The following VSNL1 variants were observed in gnomAD, a reference collection of about 807,000 sequenced individuals.
The protein encoded by VSNL1 is visinin like 1, also known as visinin-like protein 1.
In VSNL1, 6 loss-of-function variants were observed where a neutral mutation model predicts 20.4. That is an observed-to-expected ratio of 0.29 (90% CI 0.16 to 0.58). VSNL1 has a LOEUF of 0.58. Among genes scored for constraint, VSNL1 ranks in the 20% least tolerant of loss-of-function variants. The probability of loss-of-function intolerance (pLI) is 0.90; values close to 1 mark genes in which losing one functional copy is unlikely to be tolerated. For synonymous variants in VSNL1, 93 were observed against 86.4 expected, an observed-to-expected ratio of 1.08 and a Z score of -0.42; for missense variants, 100 against 234.5, an observed-to-expected ratio of 0.43 and a Z score of 3.75.
At chr2:17,553,877 A>G (rs182798733) in intron 1 of VSNL1, among the ~76,000 whole-genome samples, 84 of 152,334 alleles carry the variant, frequency 5.5e-4, no homozygotes, top group African/African-American at 1.9e-3. Flanking sequence ...TTTGTTTTTA[A>G]TAAAGAAGTA....
intron 2 of VSNL1, among the ~76,000 whole-genome samples, chr2:17,648,619 TATC>T (rs1403543259): frequency 1.3e-5 from 2 of 152,216 alleles, no homozygotes; most frequent in African/African-American, 4.8e-5. Flanking sequence ...CCTTGTTAAT[TATC>T]AGAACTACCT....
rs934537437 is a variant in VSNL1, at chr2:17,656,329, C to T, written c.*935C>T. On this transcript the variant is annotated 3_prime_UTR_variant, in exon 4 of 4. Transcript: ENST00000295156. ...AAAAAGCAACTTTCCAACTTTTCAT[C>T]CAGGCTCCCAAAAGAGGGACAACGA... The T allele has an allele frequency of 6.6e-6, 1 of 152,152 alleles. No individual in the cohort carries two copies. Among genetic ancestry groups the T allele is most frequent in the African/African-American group, 2.4e-5 (1 of 41,408 alleles). The allele number at this position is 152,152 out of a possible 1,614,324, so 9.4% of individuals were successfully genotyped here. A position where few individuals can be genotyped will look rare whatever the true frequency, so the allele number is the denominator to read the frequency against.
intron 1 of VSNL1, among the ~76,000 whole-genome samples, chr2:17,570,429 C>A (rs953126340): frequency 7.2e-5 from 11 of 152,076 alleles, no homozygotes; most frequent in East Asian, 1.9e-4. Context: ...TTATGAAATA[C>A]CTGAAAATTT....
At chr2:17,629,371 A>G (rs980989818) in intron 2 of VSNL1, among the ~76,000 whole-genome samples, 1 of 152,214 alleles carries the variant, frequency 6.6e-6, no homozygotes, top group Non-Finnish European at 1.5e-5. Flanking sequence ...CTATGAAGCA[A>G]CTATCCTAGG....
At chr2:17,619,932 C>A (rs1399556975) in intron 2 of VSNL1, among the ~76,000 whole-genome samples, 2 of 151,296 alleles carry the variant, frequency 1.3e-5, no homozygotes, top group African/African-American at 2.4e-5. Context: ...TAAGTGATTA[C>A]AATAATGTGT....
At chr2:17,636,694 G>C (rs534621681) in intron 2 of VSNL1, among the ~76,000 whole-genome samples, 16 of 150,752 alleles carry the variant, frequency 1.1e-4, no homozygotes, top group African/African-American at 3.7e-4. Context: ...GAATATAATG[G>C]GTTCAATGGA....
intron 2 of VSNL1, among the ~76,000 whole-genome samples, chr2:17,594,579 T>C (rs1664670777): frequency 6.6e-6 from 1 of 152,196 alleles, no homozygotes; most frequent in Non-Finnish European, 1.5e-5. Flanking sequence ...TCCTGGTGAA[T>C]GGGCACATTC....
intron 2 of VSNL1, among the ~76,000 whole-genome samples, chr2:17,595,531 C>A (rs1352017630): frequency 6.6e-6 from 1 of 152,204 alleles, no homozygotes; most frequent in South Asian, 2.1e-4. Context: ...ACAAAATTGT[C>A]CCCTAGCAGA....
chr2:17,577,206 G>A (rs758271558), intron 1 of VSNL1, among the ~76,000 whole-genome samples: 3 of 152,140 alleles, frequency 2.0e-5, no homozygotes, highest in African/African-American at 7.2e-5. Context: ...TGAGTGAACC[G>A]TCACTCTGAG....
intron 1 of VSNL1, among the ~76,000 whole-genome samples, chr2:17,555,906 C>T (rs1233302760): frequency 6.6e-6 from 1 of 152,020 alleles, no homozygotes; most frequent in Non-Finnish European, 1.5e-5. Flanking sequence ...GAATTTAGCC[C>T]CAGAGACATA....
chr2:17,627,284 C>T (rs73921009), intron 2 of VSNL1, among the ~76,000 whole-genome samples: 35,966 of 152,186 alleles, frequency 0.24, 4,558 homozygotes, highest in Middle Eastern at 0.29. Flanking sequence ...CTTGTGCCCC[C>T]TCTGTGTTTT....
intron 2 of VSNL1, among the ~76,000 whole-genome samples, chr2:17,593,885 C>T (rs1026616831): frequency 1.3e-5 from 2 of 152,172 alleles, no homozygotes; most frequent in African/African-American, 4.8e-5. Flanking sequence ...TAGTCCATGC[C>T]TTGGAACTCT....
intron 2 of VSNL1, among the ~76,000 whole-genome samples, chr2:17,619,497 A>G (rs1665296013): frequency 6.6e-6 from 1 of 152,154 alleles, no homozygotes; most frequent in African/African-American, 2.4e-5. Context: ...GAAACTTCAG[A>G]CTCAGCAGCC....
chr2:17,595,353 G>C (rs1664688821), intron 2 of VSNL1, among the ~76,000 whole-genome samples: 1 of 152,210 alleles, frequency 6.6e-6, no homozygotes, highest in Non-Finnish European at 1.5e-5. Context: ...AATTTCACAG[G>C]CAAGTTGGGA....
intron 2 of VSNL1, among the ~76,000 whole-genome samples, chr2:17,609,339 C>T (rs1406059921): frequency 1.3e-5 from 2 of 152,144 alleles, no homozygotes; most frequent in Non-Finnish European, 2.9e-5. Context: ...AGCCTATGTC[C>T]AAGACCTAAT....
rs533062056 is a variant in VSNL1 at position 17,644,622 on chromosome 2, T to A, written c.163-4788T>A. On this transcript the variant is annotated intron_variant, in intron 2 of 3. Transcript: ENST00000295156. ...CTGAGTTTGATCCTCCTGCACCCCT[T>A]AGTGATGTGACCTCATGCCAGTTAC... is the stretch of plus-strand genomic sequence containing the variant. 2.0e-5 allele frequency among the ~76,000 whole-genome samples: 3 copies of A among 152,266 alleles called. 1 individual carries two copies. The South Asian group carries it at 6.2e-4, about 32-fold the overall frequency.
At chr2:17,647,392 C>G (rs1666021663) in intron 2 of VSNL1, among the ~76,000 whole-genome samples, 1 of 152,116 alleles carries the variant, frequency 6.6e-6, no homozygotes, top group Non-Finnish European at 1.5e-5. Context: ...CTGCTCCACT[C>G]CAAGTCAGTT....
chr2:17,566,469 A>G (rs1235320047), intron 1 of VSNL1, among the ~76,000 whole-genome samples: 6 of 151,934 alleles, frequency 3.9e-5, no homozygotes, highest in Non-Finnish European at 8.8e-5. Context: ...GTCCTTCATA[A>G]TTTTTCATTT....
chr2:17,622,022 G>T (rs547987270), intron 2 of VSNL1, among the ~76,000 whole-genome samples: 1 of 151,966 alleles, frequency 6.6e-6, no homozygotes, highest in East Asian at 1.9e-4. Context: ...AGAGAGGCTG[G>T]GCTGATAGTG....
Sources: allele counts gnomAD v4.1 joint callset (sites outside exome capture counted in the v4.1 genomes callset), GRCh38; gene constraint gnomAD v4.1.1; transcripts MANE v1.5; gene names NCBI Gene and HGNC (gene_info 2026-07-23, HGNC 2026-07-21).